DOCK2: variants seen among roughly 807,000 people sequenced by gnomAD.
DOCK2 encodes the protein dedicator of cytokinesis protein 2.
A neutral mutation model predicts 248.9 loss-of-function variants in DOCK2; 87 were observed. The observed-to-expected ratio is 0.35, with a 90% confidence interval of 0.29 to 0.42. DOCK2 has a LOEUF of 0.42. Among genes scored for constraint, DOCK2 ranks in the 10% least tolerant of loss-of-function variants. The pLI is 1.00. For missense variants in DOCK2, 1,747 were observed against 2,300.2 expected (o/e 0.76, Z 4.92); for synonymous variants, 805 against 821.6 (o/e 0.98, Z 0.35).
At chr5:169,766,567 G>T (rs1397700182) in intron 25 of DOCK2, among the ~76,000 whole-genome samples, 1 of 152,110 alleles carries the variant, frequency 6.6e-6, no homozygotes, top group African/African-American at 2.4e-5. Context: ...TAATGTCTTT[G>T]TGGTAGAACG....
chr5:170,045,966 A>G, intron 39 of DOCK2, 61 bp downstream of exon 39: 16 of 1,521,370 alleles, frequency 1.1e-5, no homozygotes, highest in Non-Finnish European at 1.2e-5. Flanking sequence ...GCCTCAGCTC[A>G]CCCCAGATCC....
chr5:169,724,866 A>C (rs185001597), intron 22 of DOCK2, among the ~76,000 whole-genome samples: 5 of 151,540 alleles, frequency 3.3e-5, no homozygotes, highest in Admixed American at 3.3e-4. Flanking sequence ...ATTGCATAGT[A>C]GTTTACCCTC....
rs1028646837 is a variant in DOCK2 at position 169,763,486 on chromosome 5, C to T, written c.2554+1861C>T. Among the ~76,000 whole-genome samples, 2 of 152,212 alleles carry T rather than the reference C, an allele frequency of 1.3e-5. No individual in the cohort carries two copies. The highest frequency in any genetic ancestry group is 2.4e-5 in the African/African-American group (1 of 41,448). ...TCAGGGGCCCGGCTTGGCATCAAGG[C>T]CAGATGGAGTGCTAGCACGGGCCTG... is the stretch of plus-strand genomic sequence containing the variant. On this transcript the variant is annotated intron_variant, in intron 25 of 51. Coordinates refer to ENST00000520908, the MANE Select transcript of DOCK2 (RefSeq NM_004946.3). The surrounding 1 kb of genome is among the most constrained non-coding windows in gnomAD (Gnocchi z 4.1).
intron 27 of DOCK2, among the ~76,000 whole-genome samples, chr5:169,907,401 C>T (rs1292141381): frequency 6.6e-6 from 1 of 152,200 alleles, no homozygotes; most frequent in African/African-American, 2.4e-5. Flanking sequence ...CCTGTTTACT[C>T]TCTGCTGGGT....
At chr5:169,698,864 G>T (rs1388968888) in intron 11 of DOCK2, among the ~76,000 whole-genome samples, 1 of 152,198 alleles carries the variant, frequency 6.6e-6, no homozygotes, top group Admixed American at 6.5e-5. Context: ...GGAGCGTGTG[G>T]CAGGGAATCC....
chr5:169,690,591 TC>T (rs1177972817), intron 9 of DOCK2, among the ~76,000 whole-genome samples: 1 of 152,242 alleles, frequency 6.6e-6, no homozygotes, highest in African/African-American at 2.4e-5. Context: ...TGTGCCTCCA[TC>T]CTGTTTATCT....
intron 1 of DOCK2, among the ~76,000 whole-genome samples, chr5:169,642,758 T>C (rs554602879): frequency 3.9e-5 from 6 of 152,312 alleles, no homozygotes; most frequent in South Asian, 4.1e-4. Flanking sequence ...CGTAGTTATA[T>C]GGGCACCTCA....
chr5:169,882,813 G>T, intron 27 of DOCK2: 1 of 1,551,434 alleles, frequency 6.4e-7, no homozygotes, highest in Non-Finnish European at 8.7e-7. Flanking sequence ...CTGACTCGGT[G>T]GGGTTGTTTG....
intron 26 of DOCK2, among the ~76,000 whole-genome samples, chr5:169,820,190 G>C (rs552762220): frequency 6.6e-6 from 1 of 152,338 alleles, no homozygotes; most frequent in Non-Finnish European, 1.5e-5. Flanking sequence ...CTGCACCTCT[G>C]GGGGCAAGGC....
At chr5:169,668,178 T>C (rs1581002645) in intron 2 of DOCK2, among the ~76,000 whole-genome samples, 1 of 152,250 alleles carries the variant, frequency 6.6e-6, no homozygotes, top group Non-Finnish European at 1.5e-5. Context: ...TTCATGCGGT[T>C]GTTATGAATA....
intron 25 of DOCK2, among the ~76,000 whole-genome samples, chr5:169,786,117 A>T (rs968956343): frequency 1.3e-5 from 2 of 152,246 alleles, no homozygotes; most frequent in Admixed American, 1.3e-4. Flanking sequence ...TTTTAGTATC[A>T]AAGATTAACA....
intron 2 of DOCK2, among the ~76,000 whole-genome samples, chr5:169,666,148 G>A (rs1758716989): frequency 6.6e-6 from 1 of 152,144 alleles, no homozygotes; most frequent in Non-Finnish European, 1.5e-5. Flanking sequence ...CCGCTTCTTG[G>A]TTTGTAGATG....
At chr5:169,748,732 A>G (rs1763747486) in intron 23 of DOCK2, among the ~76,000 whole-genome samples, 1 of 152,216 alleles carries the variant, frequency 6.6e-6, no homozygotes, top group Non-Finnish European at 1.5e-5. Flanking sequence ...CCTCCTCTAG[A>G]ATCCACTAGT....
chr5:169,797,837 A>T (rs1040265567), intron 25 of DOCK2, among the ~76,000 whole-genome samples: 1 of 152,226 alleles, frequency 6.6e-6, no homozygotes, highest in African/African-American at 2.4e-5. Flanking sequence ...AGCAATTTGG[A>T]AATGCTGCTT....
At chr5:169,693,292 T>A (rs1760414552) in intron 9 of DOCK2, among the ~76,000 whole-genome samples, 1 of 152,066 alleles carries the variant, frequency 6.6e-6, no homozygotes, top group Non-Finnish European at 1.5e-5. Context: ...GAGTTGGAAG[T>A]GAGCATTGTG....
At chr5:170,030,365 C>T (rs1255210782) in intron 34 of DOCK2, among the ~76,000 whole-genome samples, 1 of 152,110 alleles carries the variant, frequency 6.6e-6, no homozygotes, top group Non-Finnish European at 1.5e-5. Context: ...CCATGGGGCC[C>T]CTGTGCCTGC....
chr5:169,877,362 A>G (rs577171044), intron 27 of DOCK2, among the ~76,000 whole-genome samples: 2 of 152,336 alleles, frequency 1.3e-5, no homozygotes, highest in Non-Finnish European at 1.5e-5. Context: ...AAAAAGGTCA[A>G]TTCACGTTCA....
chr5:169,835,718 A>T (rs971462642), intron 26 of DOCK2, among the ~76,000 whole-genome samples: 1 of 152,064 alleles, frequency 6.6e-6, no homozygotes, highest in Non-Finnish European at 1.5e-5. Context: ...TGGCAAGGGG[A>T]TCATGAGAGA....
At chr5:169,828,141 T>G (rs1768990260) in intron 26 of DOCK2, among the ~76,000 whole-genome samples, 1 of 152,210 alleles carries the variant, frequency 6.6e-6, no homozygotes. Flanking sequence ...TCTGTGTAAC[T>G]GCATGCGTAG....
Sources: gnomAD v4.1 joint callset for allele counts (sites outside exome capture counted in the v4.1 genomes callset) on GRCh38, gnomAD v4.1.1 for gene constraint, Gnocchi (gnomAD v3.1) non-coding constraint, MANE v1.5 for transcripts, NCBI Gene and HGNC (gene_info 2026-07-23, HGNC 2026-07-21) for gene names.